CRISPLD1: variants seen among roughly 807,000 people sequenced by gnomAD.
CRISPLD1 encodes the protein cysteine rich secretory protein LCCL domain containing 1.
In CRISPLD1, 60 loss-of-function variants were observed where a neutral mutation model predicts 77.5. That is an observed-to-expected ratio of 0.77 (90% CI 0.63 to 0.96). CRISPLD1 has a LOEUF of 0.96. CRISPLD1 is among the 40% of genes least tolerant of loss of function. CRISPLD1 has a pLI of 0.00. For missense variants in CRISPLD1, 623 were observed against 615.8 expected (o/e 1.01, Z -0.12); for synonymous variants, 195 against 200.1 (o/e 0.97, Z 0.22).
In CRISPLD1 at chr8:75,034,243, G is replaced by C. The variant is rs1813407407; in HGVS notation, c.*2001G>C. The stretch of plus-strand genomic sequence containing the variant: ...ATTGTTTACCTATCTTCTACACAAG[G>C]CGTGTCCTTGGGTAAGTTATTTAAC... On this transcript the variant is annotated 3_prime_UTR_variant, in exon 15 of 15. Coordinates refer to ENST00000262207, the MANE Select transcript of CRISPLD1 (RefSeq NM_031461.6). The C allele has an allele frequency of 6.6e-6, 1 of 152,006 alleles. No homozygotes were observed. Among genetic ancestry groups the C allele is most frequent in the South Asian group, 2.1e-4 (1 of 4,824 alleles). 9.4% of individuals were successfully genotyped at this position (152,006 alleles called of 1,614,324 possible).
chr8:74,999,733 CTG>C (rs1157207437), intron 2 of CRISPLD1, among the ~76,000 whole-genome samples: 2 of 151,304 alleles, frequency 1.3e-5, no homozygotes, highest in African/African-American at 4.9e-5. Flanking sequence ...AAGGTAGTAA[CTG>C]TAACTATTAA....
intron 2 of CRISPLD1, among the ~76,000 whole-genome samples, chr8:75,005,108 CAGT>C (rs533651410): frequency 6.6e-6 from 1 of 152,200 alleles, no homozygotes; most frequent in African/African-American, 2.4e-5. Flanking sequence ...TCTCAAACAG[CAGT>C]TTGAGAACAG....
intron 2 of CRISPLD1, among the ~76,000 whole-genome samples, chr8:75,007,160 AAAC>A (rs1812846532): frequency 6.6e-6 from 1 of 152,174 alleles, no homozygotes; most frequent in African/African-American, 2.4e-5. Flanking sequence ...TATAAAGAGT[AAAC>A]AAGCCCCAGG....
chr8:75,012,595 T>A, intron 3 of CRISPLD1, 44 bp downstream of exon 3: 2 of 1,251,870 alleles, frequency 1.6e-6, no homozygotes, highest in East Asian at 2.3e-5. Context: ...AATAAGTGTT[T>A]AAAATGAAGT....
chr8:75,029,560 A>G, intron 14 of CRISPLD1, 43 bp downstream of exon 14: 3 of 1,576,328 alleles, frequency 1.9e-6, no homozygotes, highest in Admixed American at 1.7e-5. Flanking sequence ...AATACCATCT[A>G]TCACTGTATT....
intron 2 of CRISPLD1, among the ~76,000 whole-genome samples, chr8:74,994,300 G>A (rs986232851): frequency 4.6e-5 from 7 of 152,200 alleles, no homozygotes; most frequent in Admixed American, 2.6e-4. Flanking sequence ...AAAAATTCAA[G>A]GAGGCCTTGT....
chr8:75,010,415 C>G (rs2128784552), intron 2 of CRISPLD1, among the ~76,000 whole-genome samples: 1 of 152,242 alleles, frequency 6.6e-6, no homozygotes, highest in South Asian at 2.1e-4. Flanking sequence ...CAAATTCTCT[C>G]TAGACTCTGG....
chr8:74,993,088 A>G (rs747395195), intron 2 of CRISPLD1, among the ~76,000 whole-genome samples: 69 of 152,222 alleles, frequency 4.5e-4, no homozygotes, highest in Non-Finnish European at 9.3e-4. Context: ...ATTATTTGCT[A>G]TCAGCGGTAT....
Position 75,012,517 on chromosome 8 carries a change from T to G in CRISPLD1, c.343T>G (p.Ser115Ala), listed in dbSNP as rs953612161. 4 of 1,612,374 alleles carry G rather than the reference T, an allele frequency of 2.5e-6. No homozygotes were observed. The African/African-American group carries it at 5.3e-5, about 22-fold the overall frequency. Residue 115 changes from serine to alanine, a missense_variant, in exon 3 of 15, where the codon TCA becomes GCA. Physicochemically the swap from Ser to Ala is moderately conservative, Grantham distance 99. Coordinates refer to ENST00000262207, the MANE Select transcript of CRISPLD1 (RefSeq NM_031461.6). ...ACATGGACCTGCAAGCTTGCTTCCA[T>G]CAATTGGACAGAATTTGGGAGCACA... ...WEHGPASLLP[S>A]IGQNLGAHWG...
intron 3 of CRISPLD1, 104 bp downstream of exon 3, chr8:75,012,655 A>C: frequency 1.1e-6 from 1 of 891,326 alleles, no homozygotes; most frequent in Non-Finnish European, 1.8e-6. Context: ...GCCTGAAAGA[A>C]AAGTAATCAC....
intron 2 of CRISPLD1, among the ~76,000 whole-genome samples, chr8:74,986,915 A>G (rs1478623317): frequency 6.6e-6 from 1 of 152,206 alleles, no homozygotes; most frequent in Non-Finnish European, 1.5e-5. Flanking sequence ...TAAGACTACT[A>G]GCATATAACT....
intron 2 of CRISPLD1, among the ~76,000 whole-genome samples, chr8:74,991,982 T>C (rs1315037597): frequency 6.6e-6 from 1 of 152,226 alleles, no homozygotes; most frequent in East Asian, 1.9e-4. Flanking sequence ...ATATTTGTTT[T>C]CCTTTCTAAG....
intron 12 of CRISPLD1, among the ~76,000 whole-genome samples, chr8:75,021,209 TAAAG>T (rs1443617069): frequency 6.6e-6 from 1 of 152,200 alleles, no homozygotes; most frequent in Non-Finnish European, 1.5e-5. Context: ...ATGTTTCACT[TAAAG>T]AATGGGATTG....
chr8:75,023,006 C>T lies in CRISPLD1; in HGVS notation c.1245-2540C>T, dbSNP rs79155804. 6.1e-3 allele frequency among the ~76,000 whole-genome samples: 888 copies of T among 146,094 alleles called. 11 individuals are homozygous for T. The highest frequency in any genetic ancestry group is 0.021 in the African/African-American group (845 of 39,478). ...AGATCTTTAAAATTTATTGAATGCTCAAGATGTAAAAGTAGATATTAAAGT... is the reference window on the plus strand; with the variant it reads ...AGATCTTTAAAATTTATTGAATGCTTAAGATGTAAAAGTAGATATTAAAGT... On this transcript the variant is annotated intron_variant, in intron 12 of 14. Transcript: ENST00000262207.
rs942330978 is a variant in CRISPLD1 at position 75,034,551 on chromosome 8, C to A, written c.*2309C>A. 6.6e-6 allele frequency: 1 copy of A among 151,980 alleles called. No individual in the cohort carries two copies. Among genetic ancestry groups the A allele is most frequent in the East Asian group, 1.9e-4 (1 of 5,186 alleles). 9.4% of individuals were successfully genotyped at this position (151,980 alleles called of 1,614,324 possible). A position where few individuals can be genotyped will look rare whatever the true frequency, so the allele number is the denominator to read the frequency against. Reference sequence around the variant, plus strand: ...AATTAAATGCTCTCTAATATGATATCCCTTTAATTTGACCATTGTAATTAT... The same window carrying A: ...AATTAAATGCTCTCTAATATGATATACCTTTAATTTGACCATTGTAATTAT... On this transcript the variant is annotated 3_prime_UTR_variant, in exon 15 of 15. Coordinates refer to ENST00000262207, the MANE Select transcript of CRISPLD1 (RefSeq NM_031461.6).
intron 2 of CRISPLD1, among the ~76,000 whole-genome samples, chr8:75,011,305 G>T (rs1259464948): frequency 8.2e-6 from 1 of 121,548 alleles, no homozygotes; most frequent in Non-Finnish European, 1.6e-5. Flanking sequence ...TCCCCAGAGT[G>T]TGATGTTCCC....
chr8:75,021,069 A>T (rs938700687), intron 12 of CRISPLD1, among the ~76,000 whole-genome samples: 1 of 152,198 alleles, frequency 6.6e-6, no homozygotes, highest in Non-Finnish European at 1.5e-5. Flanking sequence ...AAAAACTAGT[A>T]ATGAGATTTA....
intron 2 of CRISPLD1, among the ~76,000 whole-genome samples, chr8:75,006,025 A>G (rs1024368782): frequency 1.3e-5 from 2 of 152,110 alleles, no homozygotes; most frequent in African/African-American, 4.8e-5. Context: ...CAAATAGTGA[A>G]CATTGTACCC....
intron 1 of CRISPLD1, among the ~76,000 whole-genome samples, chr8:74,985,163 A>G (rs1163954710): frequency 6.6e-6 from 1 of 152,126 alleles, no homozygotes; most frequent in Non-Finnish European, 1.5e-5. Flanking sequence ...ATTTGAGTTC[A>G]GAGAAAGAAC....
Sources: allele counts gnomAD v4.1 joint callset (sites outside exome capture counted in the v4.1 genomes callset), GRCh38; gene constraint gnomAD v4.1.1; transcripts MANE v1.5; gene names NCBI Gene and HGNC (gene_info 2026-07-23, HGNC 2026-07-21).